The following PTK2 variants were observed in gnomAD, a reference collection of about 807,000 sequenced individuals.
PTK2 encodes the protein focal adhesion kinase 1.
A neutral mutation model predicts 150.1 loss-of-function variants in PTK2; 45 were observed. That is an observed-to-expected ratio of 0.30 (90% CI 0.24 to 0.38). PTK2 has a LOEUF of 0.38. Ranked by LOEUF, PTK2 falls within the 10% of genes least tolerant of loss-of-function variation. The pLI is 1.00. For synonymous variants in PTK2, 432 were observed against 449.2 expected, an observed-to-expected ratio of 0.96 and a Z score of 0.48; for missense variants, 919 against 1,307.3, an observed-to-expected ratio of 0.70 and a Z score of 4.58.
intron 14 of PTK2, among the ~76,000 whole-genome samples, chr8:140,782,784 CT>C (rs1279838754): frequency 6.6e-6 from 1 of 151,994 alleles, no homozygotes; most frequent in Non-Finnish European, 1.5e-5. Context: ...ACAGAAGAAC[CT>C]TTTTCAAACT....
chr8:140,938,290 T>C (rs1484188022), intron 1 of PTK2, among the ~76,000 whole-genome samples: 1 of 152,200 alleles, frequency 6.6e-6, no homozygotes, highest in Non-Finnish European at 1.5e-5. Flanking sequence ...GAACTCAGTA[T>C]GGAGCCTTAA....
intron 20 of PTK2, 27 bp downstream of exon 23, chr8:140,743,203 T>C: frequency 6.9e-7 from 1 of 1,440,356 alleles, no homozygotes; most frequent in East Asian, 2.3e-5. Flanking sequence ...CCAAGCCTAT[T>C]TCTTAGGTAC....
chr8:140,700,856 A>G, intron 26 of PTK2, 35 bp downstream of exon 29: 1 of 1,610,892 alleles, frequency 6.2e-7, no homozygotes, highest in Non-Finnish European at 8.5e-7. Flanking sequence ...AACAGGGCTT[A>G]AAAAGTCAAA....
rs2100159233 is a variant in PTK2 at position 140,902,937 on chromosome 8, T to TTG, written c.-32-12169_-32-12168insCA. Among the ~76,000 whole-genome samples the TTG allele has an allele frequency of 1.6e-4, 22 of 138,944 alleles. 2 individuals carry two copies. The highest frequency in any genetic ancestry group is 8.0e-4 in the Admixed American group (11 of 13,682). The allele number at this position is 138,944 out of a possible 152,430, so 91.2% of individuals were successfully genotyped here. A position where few individuals can be genotyped will look rare whatever the true frequency, so the allele number is the denominator to read the frequency against. On this transcript the variant is annotated intron_variant, in intron 2 of 31. Coordinates refer to ENST00000522684, the Ensembl canonical transcript of PTK2. Reference sequence around the variant, plus strand: ...CTGATGAGAGTTGTTTTTTTTTTTTTTTTTTTTTTTTTTTTTTTTTTTGCC... The same window carrying TTG: ...CTGATGAGAGTTGTTTTTTTTTTTTTTGTTTTTTTTTTTTTTTTTTTTTTGCC...
chr8:140,761,364 G>A (rs150087376), intron 15 of PTK2, 102 bp from the exon 19 acceptor site: 2 of 913,614 alleles, frequency 2.2e-6, no homozygotes, highest in South Asian at 1.3e-5. Context: ...AATTTCATCT[G>A]TGGCACATCA....
chr8:140,751,836 A>G, intron 17 of PTK2: 1 of 491,764 alleles, frequency 2.0e-6, no homozygotes, highest in Non-Finnish European at 4.0e-6. Flanking sequence ...GGGAATGGTC[A>G]TAGAGCCCTA....
At chr8:140,932,597 T>G (rs1036031651) in intron 1 of PTK2, among the ~76,000 whole-genome samples, 2 of 152,220 alleles carry the variant, frequency 1.3e-5, no homozygotes, top group Non-Finnish European at 2.9e-5. Context: ...ATTTTTACAC[T>G]GGACCAGCAA....
intron 27 of PTK2, among the ~76,000 whole-genome samples, chr8:140,682,480 G>A (rs1194982514): frequency 1.3e-5 from 2 of 152,152 alleles, no homozygotes; most frequent in African/African-American, 2.4e-5. Context: ...AAAAGGCTGA[G>A]AAGTGATGTA....
intron 17 of PTK2, 43 bp downstream of exon 20, chr8:140,752,189 T>C (rs372654946): frequency 8.5e-5 from 127 of 1,487,136 alleles, no homozygotes; most frequent in Admixed American, 8.1e-4. Context: ...ATTTCACAGA[T>C]AGAAAGTCAA....
intron 23 of PTK2, among the ~76,000 whole-genome samples, chr8:140,707,080 G>A (rs1564786744): frequency 6.6e-6 from 1 of 152,148 alleles, no homozygotes; most frequent in Non-Finnish European, 1.5e-5. Flanking sequence ...AACATTCTAA[G>A]TGAAAAAAGC....
chr8:140,961,115 T>C (rs2100183031), intron 1 of PTK2, among the ~76,000 whole-genome samples: 1 of 152,236 alleles, frequency 6.6e-6, no homozygotes, highest in East Asian at 1.9e-4. Context: ...CCTAGTTCTA[T>C]CACTAGAGCA....
chr8:140,692,190 C>T (rs2100023556), intron 26 of PTK2, among the ~76,000 whole-genome samples: 1 of 152,160 alleles, frequency 6.6e-6, no homozygotes, highest in African/African-American at 2.4e-5. Context: ...CATATAAAAT[C>T]TACTTGTGTT....
chr8:140,878,129 T>C (rs2100146782), intron 4 of PTK2, among the ~76,000 whole-genome samples: 1 of 152,214 alleles, frequency 6.6e-6, no homozygotes, highest in Non-Finnish European at 1.5e-5. Context: ...GAATGCTCAC[T>C]TGCTTAATTG....
At chr8:140,781,705 G>A (rs1747784177) in intron 14 of PTK2, among the ~76,000 whole-genome samples, 2 of 152,236 alleles carry the variant, frequency 1.3e-5, no homozygotes. Flanking sequence ...TGTCTGCACT[G>A]CCTGCAGCTG....
At chr8:140,879,935 A>T (rs550046349) in intron 3 of PTK2, among the ~76,000 whole-genome samples, 1 of 152,258 alleles carries the variant, frequency 6.6e-6, no homozygotes, top group Admixed American at 6.5e-5. Flanking sequence ...AAACTTAAAA[A>T]CACATTTCTG....
chr8:140,840,746 C>T (rs559554857), intron 7 of PTK2, among the ~76,000 whole-genome samples: 9 of 152,198 alleles, frequency 5.9e-5, no homozygotes, highest in African/African-American at 1.9e-4. Context: ...ATAATAAAAG[C>T]GAGTCCAATA....
chr8:140,700,204 T>G (rs2100029410), intron 26 of PTK2, among the ~76,000 whole-genome samples: 2 of 152,328 alleles, frequency 1.3e-5, no homozygotes, highest in South Asian at 4.1e-4. Context: ...TTAAGGGTTT[T>G]GGATATAGGA....
chr8:140,984,581 A>G (rs2100192632), intron 1 of PTK2, among the ~76,000 whole-genome samples: 1 of 152,166 alleles, frequency 6.6e-6, no homozygotes, highest in Admixed American at 6.5e-5. Flanking sequence ...ATTTTGAGGT[A>G]GTTTCTCCAA....
At chr8:140,912,861 G>A (rs2100163762) in intron 2 of PTK2, among the ~76,000 whole-genome samples, 1 of 152,064 alleles carries the variant, frequency 6.6e-6, no homozygotes, top group Non-Finnish European at 1.5e-5. Context: ...CAGGAGAATA[G>A]CTTGAACCTG....
Sources: allele counts gnomAD v4.1 joint callset (sites outside exome capture counted in the v4.1 genomes callset), GRCh38; gene constraint gnomAD v4.1.1; transcripts MANE v1.5; gene names NCBI Gene and HGNC (gene_info 2026-07-23, HGNC 2026-07-21).